ARHGEF26: variants seen among roughly 807,000 people sequenced by gnomAD.
The protein encoded by ARHGEF26 is Rho guanine nucleotide exchange factor 26.
A neutral mutation model predicts 89.4 loss-of-function variants in ARHGEF26; 59 were observed. The ratio of observed to expected loss-of-function variants is 0.66; its 90% confidence interval spans 0.54 to 0.82. ARHGEF26 has a LOEUF of 0.82. Ranked by LOEUF, ARHGEF26 falls within the 40% of genes least tolerant of loss-of-function variation. ARHGEF26 has a pLI of 0.00. For missense variants in ARHGEF26, 1,234 were observed against 1,085.6 expected (o/e 1.14, Z -1.92); for synonymous variants, 500 against 428.4 (o/e 1.17, Z -2.06).
chr3:154,257,248 C>T lies in ARHGEF26; in HGVS notation c.*1775C>T, dbSNP rs1007508025. 2.6e-5 allele frequency: 6 copies of T among 230,780 alleles called. No homozygotes were observed. The highest frequency in any genetic ancestry group is 1.7e-4 in the East Asian group (2 of 11,646). The allele number at this position is 230,780 out of a possible 1,614,324, so 14.3% of individuals were successfully genotyped here. ...TCTAATTGTAAAATATATTTCAGAC[C>T]GTGAGTACCTTGAGATCTGAGCAAC... On this transcript the variant is annotated 3_prime_UTR_variant, in exon 15 of 15. Transcript: ENST00000465093.
At chr3:154,252,103 C>T (rs375390056) in intron 12 of ARHGEF26, among the ~76,000 whole-genome samples, 8 of 152,128 alleles carry the variant, frequency 5.3e-5, no homozygotes, top group South Asian at 2.1e-4. Flanking sequence ...GGGGTGACAG[C>T]GACAAGCATC....
At chr3:154,254,370 T>C (rs996392556) in intron 13 of ARHGEF26, among the ~76,000 whole-genome samples, 7 of 152,202 alleles carry the variant, frequency 4.6e-5, no homozygotes, top group Non-Finnish European at 1.0e-4. Context: ...TGTTGCAGAT[T>C]TTGCATGGCC....
intron 12 of ARHGEF26, among the ~76,000 whole-genome samples, chr3:154,245,983 A>G (rs915160507): frequency 6.6e-6 from 1 of 152,186 alleles, no homozygotes; most frequent in African/African-American, 2.4e-5. Flanking sequence ...TGCCTGGGCA[A>G]ATGGTCTGCA....
rs538956203 is a variant in ARHGEF26, at chr3:154,156,430, AAAAC to A, written c.1487+3502_1487+3505del. Among the ~76,000 whole-genome samples the A allele has an allele frequency of 5.9e-5, 9 of 152,280 alleles. No individual in the cohort carries two copies. The South Asian group carries it at 1.4e-3, about 25-fold the overall frequency. On this transcript the variant is annotated intron_variant, in intron 6 of 14. Coordinates refer to ENST00000465093, the MANE Select transcript of ARHGEF26 (RefSeq NM_015595.4). ...ATACTTTTCATCCTCCATTAAAAGA[AAAAC>A]AAAGAAATATCTGTATTCTTTACAT...
At chr3:154,193,597 T>C (rs1714085275) in intron 8 of ARHGEF26, among the ~76,000 whole-genome samples, 1 of 152,212 alleles carries the variant, frequency 6.6e-6, no homozygotes, top group African/African-American at 2.4e-5. Flanking sequence ...TTTAAAATAG[T>C]GTCTCTTCAA....
At chr3:154,236,398 C>CA (rs1159709616) in intron 11 of ARHGEF26, among the ~76,000 whole-genome samples, 1 of 152,220 alleles carries the variant, frequency 6.6e-6, no homozygotes, top group African/African-American at 2.4e-5. Context: ...CCTTGATGAG[C>CA]AGCTGGTAAA....
At chr3:154,124,366 C>CT in intron 2 of ARHGEF26, 44 bp from the exon 3 acceptor site, 1 of 1,158,484 alleles carries the variant, frequency 8.6e-7, no homozygotes, top group Non-Finnish European at 1.2e-6. Flanking sequence ...ACATAGTTTG[C>CT]TTTTCCTTTT....
At chr3:154,248,495 G>A (rs1025570672) in intron 12 of ARHGEF26, among the ~76,000 whole-genome samples, 1 of 151,778 alleles carries the variant, frequency 6.6e-6, no homozygotes, top group Non-Finnish European at 1.5e-5. Flanking sequence ...TTTATTGTAG[G>A]GTATAGCATT....
intron 9 of ARHGEF26, among the ~76,000 whole-genome samples, chr3:154,211,867 A>ATGTG (rs3029699): frequency 0.46 from 69,681 of 150,972 alleles, 16,489 homozygotes; most frequent in Non-Finnish European, 0.52. Context: ...GTATATATAT[A>ATGTG]TGTGTGTGTG....
At position 154,122,828 on chromosome 3, in the gene ARHGEF26, G is replaced by T; in HGVS notation, c.836G>T (p.Arg279Leu). ...VEPHKRLLKV[R>L]SMVEGLGGPL... Reference sequence around the variant, plus strand: ...CCCCACAAGAGACTCCTCAAGGTGCGCAGCATGGTGGAGGGCCTAGGAGGA... The same window carrying T: ...CCCCACAAGAGACTCCTCAAGGTGCTCAGCATGGTGGAGGGCCTAGGAGGA... Residue 279 changes from arginine (R) to leucine (L), a missense_variant, in exon 2 of 15, where the codon CGC becomes CTC. Coordinates refer to ENST00000465093, the MANE Select transcript of ARHGEF26 (RefSeq NM_015595.4). 1 of 1,612,670 alleles carries T rather than the reference G, an allele frequency of 6.2e-7. No homozygotes were observed.
At chr3:154,251,448 A>G (rs941993623) in intron 12 of ARHGEF26, among the ~76,000 whole-genome samples, 1 of 152,216 alleles carries the variant, frequency 6.6e-6, no homozygotes, top group African/African-American at 2.4e-5. Flanking sequence ...GATGAGTTAT[A>G]TAATTCATTC....
intron 4 of ARHGEF26, among the ~76,000 whole-genome samples, chr3:154,145,873 G>T (rs951286259): frequency 5.9e-5 from 9 of 152,182 alleles, no homozygotes; most frequent in Non-Finnish European, 1.3e-4. Context: ...ATTCCAGTTA[G>T]TAGAGTCAAA....
chr3:154,187,164 A>G (rs1713619641), intron 6 of ARHGEF26: 2 of 942,274 alleles, frequency 2.1e-6, no homozygotes, highest in Admixed American at 6.2e-5. Flanking sequence ...TGCTGGGATT[A>G]CACATGTGAG....
intron 6 of ARHGEF26, among the ~76,000 whole-genome samples, chr3:154,166,323 T>C (rs997481219): frequency 6.6e-6 from 1 of 152,206 alleles, no homozygotes; most frequent in Non-Finnish European, 1.5e-5. Flanking sequence ...ATGCTGGGAT[T>C]ACAGGCATGA....
intron 4 of ARHGEF26, among the ~76,000 whole-genome samples, chr3:154,143,567 T>C (rs778912363): frequency 1.8e-4 from 27 of 152,182 alleles, no homozygotes; most frequent in Non-Finnish European, 3.5e-4. Context: ...CTGATTAAGT[T>C]TTTTAAAATA....
chr3:154,170,929 T>C (rs2108138758), intron 6 of ARHGEF26, among the ~76,000 whole-genome samples: 1 of 152,312 alleles, frequency 6.6e-6, no homozygotes, highest in East Asian at 1.9e-4. Context: ...TTTCTGTAAA[T>C]ACCTGTTGGG....
At chr3:154,247,868 T>C (rs1559926594) in intron 12 of ARHGEF26, among the ~76,000 whole-genome samples, 2 of 152,216 alleles carry the variant, frequency 1.3e-5, no homozygotes, top group African/African-American at 2.4e-5. Context: ...GACAATACTC[T>C]GTGAAAAATA....
At chr3:154,201,039 T>C (rs1029564004) in intron 9 of ARHGEF26, among the ~76,000 whole-genome samples, 4 of 152,062 alleles carry the variant, frequency 2.6e-5, no homozygotes, top group Admixed American at 2.6e-4. Flanking sequence ...TTAGGGTACA[T>C]GTGCACAAGG....
chr3:154,244,355 G>A (rs972262628), intron 12 of ARHGEF26, among the ~76,000 whole-genome samples: 20 of 152,146 alleles, frequency 1.3e-4, no homozygotes, highest in South Asian at 4.1e-4. Flanking sequence ...CTTTGATTAC[G>A]TAAAGAATGC....
Sources: allele counts gnomAD v4.1 joint callset (sites outside exome capture counted in the v4.1 genomes callset), GRCh38; gene constraint gnomAD v4.1.1; transcripts MANE v1.5; gene names NCBI Gene and HGNC (gene_info 2026-07-23, HGNC 2026-07-21).